PTPRM: variants seen among roughly 807,000 people sequenced by gnomAD.
The protein encoded by PTPRM is protein tyrosine phosphatase receptor type M.
In PTPRM, 47 loss-of-function variants were observed where a neutral mutation model predicts 186.7. The ratio of observed to expected loss-of-function variants is 0.25; its 90% CI spans 0.20 to 0.32. PTPRM has a LOEUF of 0.32. Ranked by LOEUF, PTPRM falls within the 10% of genes least tolerant of loss-of-function variation. The pLI is 1.00. For missense variants in PTPRM, 1,494 were observed against 1,865.0 expected (o/e 0.80, Z 3.66); for synonymous variants, 668 against 674.9 (o/e 0.99, Z 0.16).
intron 1 of PTPRM, among the ~76,000 whole-genome samples, chr18:7,683,027 AG>A (rs1568026841): frequency 6.6e-6 from 1 of 152,186 alleles, no homozygotes; most frequent in Non-Finnish European, 1.5e-5. Context: ...TGTAATGTTT[AG>A]CCCCTATTTG....
At chr18:8,198,171 G>C (rs34343930) in intron 14 of PTPRM, among the ~76,000 whole-genome samples, 6,459 of 152,222 alleles carry the variant, frequency 0.042, 182 homozygotes, top group Non-Finnish European at 0.067. Context: ...TGTTAGACAG[G>C]ATCTTACTCC....
chr18:7,765,350 G>A (rs1375101827), intron 1 of PTPRM, among the ~76,000 whole-genome samples: 1 of 152,168 alleles, frequency 6.6e-6, no homozygotes, highest in Non-Finnish European at 1.5e-5. Context: ...CCTGTGTAAT[G>A]TGTAAAAACT....
At chr18:7,832,480 C>G (rs1342894881) in intron 2 of PTPRM, among the ~76,000 whole-genome samples, 1 of 151,784 alleles carries the variant, frequency 6.6e-6, no homozygotes, top group African/African-American at 2.4e-5. Context: ...GATATTTTTC[C>G]TATAGAGTTG....
At chr18:7,932,878 C>T (rs571730515) in intron 5 of PTPRM, among the ~76,000 whole-genome samples, 35 of 152,186 alleles carry the variant, frequency 2.3e-4, no homozygotes, top group South Asian at 1.2e-3. Flanking sequence ...CCCTCTTATC[C>T]GAGATTTTCA....
At chr18:8,093,781 G>A (rs145742584) in intron 11 of PTPRM, among the ~76,000 whole-genome samples, 3 of 152,208 alleles carry the variant, frequency 2.0e-5, no homozygotes, top group Admixed American at 6.5e-5. Context: ...ACGGTCTTCT[G>A]TTTATAACCA....
chr18:7,582,412 A>G (rs2036869234), intron 1 of PTPRM, among the ~76,000 whole-genome samples: 1 of 152,212 alleles, frequency 6.6e-6, no homozygotes, highest in African/African-American at 2.4e-5. Context: ...AAGTGAACCA[A>G]GACTTCTGGG....
chr18:7,847,138 C>T (rs1221817432), intron 2 of PTPRM, among the ~76,000 whole-genome samples: 2 of 147,460 alleles, frequency 1.4e-5, no homozygotes, highest in Non-Finnish European at 1.5e-5. Context: ...TCTAGTCTAG[C>T]TGCTTGGTTG....
At chr18:7,616,428 C>G (rs1231252074) in intron 1 of PTPRM, among the ~76,000 whole-genome samples, 2 of 152,126 alleles carry the variant, frequency 1.3e-5, no homozygotes, top group African/African-American at 4.8e-5. Context: ...CAGAGTGCAC[C>G]CAAACGTGGT....
At chr18:7,598,853 T>A (rs1236414785) in intron 1 of PTPRM, among the ~76,000 whole-genome samples, 2 of 151,800 alleles carry the variant, frequency 1.3e-5, no homozygotes, top group African/African-American at 4.8e-5. Context: ...GTAGCCAATT[T>A]AAGGTGATTC....
chr18:8,248,023 G>T, intron 16 of PTPRM, 104 bp downstream of exon 16: 1 of 1,358,668 alleles, frequency 7.4e-7, no homozygotes, highest in South Asian at 1.2e-5. Flanking sequence ...TACTGTGTTT[G>T]AGATGTTGTA....
chr18:8,146,884 C>T (rs1332852364), intron 14 of PTPRM, among the ~76,000 whole-genome samples: 2 of 151,936 alleles, frequency 1.3e-5, no homozygotes, highest in Non-Finnish European at 2.9e-5. Flanking sequence ...TAGCTATTTC[C>T]AACACCATTT....
At chr18:7,569,780 T>C (rs1011916134) in intron 1 of PTPRM, among the ~76,000 whole-genome samples, 2 of 152,216 alleles carry the variant, frequency 1.3e-5, no homozygotes, top group African/African-American at 4.8e-5. Flanking sequence ...CAAGCCAAAA[T>C]AGACTTCTAC....
chr18:8,396,663 A>G (rs2095846878), intron 32 of PTPRM, among the ~76,000 whole-genome samples: 1 of 152,238 alleles, frequency 6.6e-6, no homozygotes, highest in African/African-American at 2.4e-5. Context: ...CTGAGGGAGA[A>G]GATGGGATTT....
At chr18:7,966,623 GC>G in intron 7 of PTPRM, among the ~76,000 whole-genome samples, 1 of 148,612 alleles carries the variant, frequency 6.7e-6, no homozygotes, top group Non-Finnish European at 1.5e-5. Context: ...CCGAAGCAGG[GC>G]GAGGCATTGC....
intron 1 of PTPRM, among the ~76,000 whole-genome samples, chr18:7,734,221 C>T (rs2040721128): frequency 6.6e-6 from 1 of 152,152 alleles, no homozygotes; most frequent in Non-Finnish European, 1.5e-5. Flanking sequence ...AGAGATCAAG[C>T]ACCCCAAATC....
chr18:7,988,238 A>G (rs773258169), intron 7 of PTPRM, among the ~76,000 whole-genome samples: 1 of 152,076 alleles, frequency 6.6e-6, no homozygotes, highest in Non-Finnish European at 1.5e-5. Flanking sequence ...AAAACCAAAC[A>G]AACAAAAAAG....
intron 2 of PTPRM, among the ~76,000 whole-genome samples, chr18:7,789,004 G>A (rs1011049351): frequency 6.6e-6 from 1 of 152,072 alleles, no homozygotes; most frequent in Non-Finnish European, 1.5e-5. Flanking sequence ...CTGTGGAATA[G>A]CTGTTATTGT....
At chr18:7,841,499 T>C (rs2046324344) in intron 2 of PTPRM, among the ~76,000 whole-genome samples, 1 of 151,988 alleles carries the variant, frequency 6.6e-6, no homozygotes, top group Non-Finnish European at 1.5e-5. Context: ...TTTCACCATG[T>C]TTGCCAGGAT....
chr18:7,836,873 C>A (rs9947984), intron 2 of PTPRM, among the ~76,000 whole-genome samples: 8,782 of 152,182 alleles, frequency 0.058, 621 homozygotes, highest in African/African-American at 0.17. Context: ...TATTGGAACT[C>A]CATTGTATGT....
Sources: gnomAD v4.1 joint callset for allele counts (sites outside exome capture counted in the v4.1 genomes callset) on GRCh38, gnomAD v4.1.1 for gene constraint, MANE v1.5 for transcripts, NCBI Gene and HGNC (gene_info 2026-07-23, HGNC 2026-07-21) for gene names.